Variants in CHD1L observed in about 807,000 individuals in gnomAD.
CHD1L encodes the protein chromodomain helicase DNA binding protein 1 like.
In CHD1L, 118 loss-of-function variants were observed where a neutral mutation model predicts 115.9. The ratio of observed to expected loss-of-function variants is 1.02; its 90% CI spans 0.88 to 1.19. CHD1L has a LOEUF of 1.19. Ranked by LOEUF, CHD1L falls within the 50% of genes most tolerant of loss-of-function variation. The pLI is 0.00. For synonymous variants in CHD1L, 411 were observed against 387.1 expected, an observed-to-expected ratio of 1.06 and a Z score of -0.72; for missense variants, 1,179 against 1,065.3, an observed-to-expected ratio of 1.11 and a Z score of -1.49.
At chr1:147,268,993 G>A in intron 10 of CHD1L, 115 bp downstream of exon 10, 1 of 647,622 alleles carries the variant, frequency 1.5e-6, no homozygotes, top group Non-Finnish European at 2.6e-6. Context: ...TCTTAACACT[G>A]ATTCAGGTTC....
chr1:147,248,492 G>A (rs782527917), intron 1 of CHD1L, among the ~76,000 whole-genome samples: 24 of 152,200 alleles, frequency 1.6e-4, no homozygotes, highest in Non-Finnish European at 2.6e-4. Flanking sequence ...ACAGGTGTGA[G>A]CCACTGTGCC....
the CHD1L span, among the ~76,000 whole-genome samples, chr1:147,189,938 T>A: frequency 6.6e-6 from 1 of 152,294 alleles, no homozygotes; most frequent in East Asian, 1.9e-4. Flanking sequence ...CTATGTGACT[T>A]TTTTTAGGCA....
the CHD1L span, among the ~76,000 whole-genome samples, chr1:147,202,822 A>G: frequency 1.3e-5 from 2 of 152,086 alleles, no homozygotes; most frequent in Non-Finnish European, 2.9e-5. Context: ...CAGCAGTACC[A>G]CCATCCATCC....
rs587665765 is a variant in CHD1L, at chr1:147,278,890, T to C, written c.1540-1136T>C. 2.6e-5 allele frequency among the ~76,000 whole-genome samples: 4 copies of C among 152,324 alleles called. No individual in the cohort carries two copies. In the South Asian group the frequency reaches 8.3e-4, roughly 32 times the overall value. ...GCACATGCCCTTAATTACTGTAATA[T>C]ACAGCTTCTCATAAAAACACATGTA... On this transcript the variant is annotated intron_variant, in intron 14 of 22. Coordinates refer to ENST00000369258, the MANE Select transcript of CHD1L (RefSeq NM_004284.6).
the CHD1L span, chr1:147,178,346 T>A: frequency 6.2e-7 from 1 of 1,612,414 alleles, no homozygotes; most frequent in Non-Finnish European, 8.5e-7. Context: ...AAAGGAATAG[T>A]CCCATTAGCA....
At chr1:147,209,803 A>G in the CHD1L span, 1 of 152,210 alleles carries the variant, frequency 6.6e-6, no homozygotes, top group Non-Finnish European at 1.5e-5. Flanking sequence ...ATTAAAAATC[A>G]TGTACTGGTA....
At chr1:147,240,526 G>A (rs113500713), upstream of CHD1L, among the ~76,000 whole-genome samples, 3 of 152,132 alleles carry the variant, frequency 2.0e-5, no homozygotes, top group Admixed American at 6.5e-5. Flanking sequence ...AAGGGTCTGT[G>A]CTGAGGAGGA....
intron 1 of CHD1L, 176 bp downstream of exon 1, chr1:147,243,006 G>A (rs587728986): frequency 5.7e-4 from 433 of 760,024 alleles, no homozygotes; most frequent in Non-Finnish European, 7.1e-4. Context: ...GGTGGCCACG[G>A]CCCCCGCCTG....
the CHD1L span, among the ~76,000 whole-genome samples, chr1:147,182,589 G>T: frequency 6.6e-6 from 1 of 152,326 alleles, no homozygotes; most frequent in Admixed American, 6.5e-5. Context: ...ACCTACATCA[G>T]TGTTAAAACC....
the CHD1L span, among the ~76,000 whole-genome samples, chr1:147,227,432 T>G: frequency 6.6e-6 from 1 of 152,260 alleles, no homozygotes; most frequent in Non-Finnish European, 1.5e-5. Flanking sequence ...AATGTAATTT[T>G]ATTTTAATGT....
chr1:147,259,981 TTAGAG>T, intron 6 of CHD1L, 63 bp downstream of exon 6: 1 of 1,263,834 alleles, frequency 7.9e-7, no homozygotes, highest in Non-Finnish European at 1.1e-6. Flanking sequence ...ACATTATATT[TTAGAG>T]TAATTTTAGA....
the CHD1L span, chr1:147,225,895 G>A: frequency 6.6e-6 from 1 of 152,300 alleles, no homozygotes; most frequent in South Asian, 2.1e-4. Context: ...CTTTTTAAAG[G>A]CTTACAACTT....
the CHD1L span, among the ~76,000 whole-genome samples, chr1:147,202,244 T>G: frequency 6.6e-6 from 1 of 152,218 alleles, no homozygotes; most frequent in East Asian, 1.9e-4. Flanking sequence ...ATTGCTTATT[T>G]TTTTGCCATT....
At chr1:147,284,577 C>A in intron 16 of CHD1L, 78 bp downstream of exon 16, 2 of 1,275,760 alleles carry the variant, frequency 1.6e-6, no homozygotes, top group Non-Finnish European at 2.1e-6. Flanking sequence ...ATGCTGGCAT[C>A]GTTTTGTTCT....
At chr1:147,178,145 G>T in the CHD1L span, 1 of 1,606,460 alleles carries the variant, frequency 6.2e-7, no homozygotes, top group East Asian at 2.2e-5. Flanking sequence ...CTGTTCCCGG[G>T]CGTGGCGCTG....
chr1:147,187,984 T>C, the CHD1L span, among the ~76,000 whole-genome samples: 1 of 151,988 alleles, frequency 6.6e-6, no homozygotes, highest in South Asian at 2.1e-4. Context: ...CAATTGAGAT[T>C]GAAGAATCCA....
At chr1:147,187,073 C>T in the CHD1L span, 1 of 1,613,970 alleles carries the variant, frequency 6.2e-7, no homozygotes, top group African/African-American at 1.3e-5. Context: ...TTTCCAGGGC[C>T]CTGTACACGA....
the CHD1L span, among the ~76,000 whole-genome samples, chr1:147,234,481 C>T: frequency 2.0e-5 from 3 of 152,158 alleles, no homozygotes; most frequent in Non-Finnish European, 4.4e-5. Context: ...AAACATCGTC[C>T]CCAAAGACAT....
At chr1:147,187,419 G>C in the CHD1L span, among the ~76,000 whole-genome samples, 12 of 152,112 alleles carry the variant, frequency 7.9e-5, no homozygotes, top group Admixed American at 4.6e-4. Flanking sequence ...ACTTACAAAA[G>C]GAGATAAGAC....
Sources: allele counts gnomAD v4.1 joint callset (sites outside exome capture counted in the v4.1 genomes callset), GRCh38; gene constraint gnomAD v4.1.1; transcripts MANE v1.5; gene names NCBI Gene and HGNC (gene_info 2026-07-23, HGNC 2026-07-21).